CCDC97: variants seen among roughly 807,000 people sequenced by gnomAD.
CCDC97 encodes the protein coiled-coil domain-containing protein 97.
Under a neutral mutation model 33.9 loss-of-function variants are expected in CCDC97, and 27 were observed. That is an observed-to-expected ratio of 0.80 (90% CI 0.59 to 1.10). The LOEUF is 1.10. Among genes scored for constraint, CCDC97 ranks in the 50% least tolerant of loss-of-function variants. The probability of loss-of-function intolerance (pLI) is 0.00; values close to 1 mark genes in which losing one functional copy is unlikely to be tolerated. For missense variants in CCDC97, 422 were observed against 476.6 expected (o/e 0.89, Z 1.07); for synonymous variants, 217 against 194.0 (o/e 1.12, Z -0.99).
chr19:41,320,552 TG>T (rs750771178), intron 4 of CCDC97, 82 bp downstream of exon 4: 2 of 1,564,000 alleles, frequency 1.3e-6, no homozygotes, highest in South Asian at 1.1e-5. Flanking sequence ...TAACAAGCTG[TG>T]GGGGTCTCCC....
intron 2 of CCDC97, among the ~76,000 whole-genome samples, chr19:41,319,054 A>ATG (rs2037783315): frequency 6.6e-6 from 1 of 152,004 alleles, no homozygotes; most frequent in Non-Finnish European, 1.5e-5. Flanking sequence ...CTCACAGGAC[A>ATG]TGTGTGTGTA....
At chr19:41,316,113 G>GCCTCCTCCACCTCTTC (rs1473305786) in intron 1 of CCDC97, among the ~76,000 whole-genome samples, 3 of 152,056 alleles carry the variant, frequency 2.0e-5, no homozygotes, top group Non-Finnish European at 4.4e-5. Flanking sequence ...TAAAATTGCA[G>GCCTCCTCCACCTCTTC]CCTCCTCCAC....
At chr19:41,318,527 T>C (rs1178854874) in intron 2 of CCDC97, among the ~76,000 whole-genome samples, 1 of 152,114 alleles carries the variant, frequency 6.6e-6, no homozygotes, top group Admixed American at 6.5e-5. Flanking sequence ...GTGGGGAAGC[T>C]GAGCAGGACA....
intron 1 of CCDC97, 106 bp downstream of exon 1, chr19:41,310,462 ACCCC>A: frequency 1.3e-6 from 2 of 1,517,262 alleles, no homozygotes; most frequent in Non-Finnish European, 1.8e-6. Flanking sequence ...GGGGACACCC[ACCCC>A]CCTCAGCTTT....
rs1246644714 is a variant in CCDC97, at chr19:41,310,734, C to A, written c.46+378C>A. The stretch of plus-strand genomic sequence containing the variant: ...CTGTACCAAGCTGAGCCTTCCCTTG[C>A]TCTCTAGACGAATCCTCCTACCTTT... On this transcript the variant is annotated intron_variant, in intron 1 of 4. Transcript: ENST00000269967. 6 of 1,075,926 alleles carry A rather than the reference C, an allele frequency of 5.6e-6. No homozygotes were observed. In the African/African-American group the frequency reaches 9.8e-5, roughly 18 times the overall value. 66.6% of individuals were successfully genotyped at this position (1,075,926 alleles called of 1,614,324 possible).
intron 1 of CCDC97, among the ~76,000 whole-genome samples, chr19:41,315,552 G>C (rs896016079): frequency 6.6e-6 from 1 of 151,804 alleles, no homozygotes; most frequent in Admixed American, 6.6e-5. Flanking sequence ...GGCAGTTGCA[G>C]TGGGCAGATC....
At chr19:41,320,267 C>G (rs2037806398) in intron 3 of CCDC97, 74 bp from the exon 4 acceptor site, 1 of 1,577,400 alleles carries the variant, frequency 6.3e-7, no homozygotes, top group South Asian at 1.1e-5. Context: ...GGAGCAGCAG[C>G]TCTCTGTGGA....
Position 41,322,805 on chromosome 19 carries a change from G to T in CCDC97, c.*90G>T. On this transcript the variant is annotated 3_prime_UTR_variant, in exon 5 of 5. Coordinates refer to ENST00000269967, the MANE Select transcript of CCDC97 (RefSeq NM_052848.3). ...TGCTCAGTGACCCTTTCTCTAGGGGGACATCAGGGCAGTGCCCCACAACCC... is the reference window on the plus strand; with the variant it reads ...TGCTCAGTGACCCTTTCTCTAGGGGTACATCAGGGCAGTGCCCCACAACCC... 4 of 1,479,362 alleles carry T rather than the reference G, an allele frequency of 2.7e-6. No homozygotes were observed. The highest frequency in any genetic ancestry group is 3.7e-6 in the Non-Finnish European group (4 of 1,087,024). The allele number at this position is 1,479,362 out of a possible 1,614,324, so 91.6% of individuals were successfully genotyped here.
At chr19:41,314,478 G>T (rs530832497) in intron 1 of CCDC97, among the ~76,000 whole-genome samples, 1 of 152,228 alleles carries the variant, frequency 6.6e-6, no homozygotes, top group African/African-American at 2.4e-5. Context: ...TTGGGTGAAC[G>T]CATGAATGCA....
intron 4 of CCDC97, among the ~76,000 whole-genome samples, chr19:41,321,424 G>A (rs545313519): frequency 2.0e-5 from 3 of 152,328 alleles, no homozygotes; most frequent in South Asian, 2.1e-4. Context: ...GTGTTGCCTC[G>A]GGAGGGCAGC....
Position 41,319,846 on chromosome 19 carries a change from G to A in CCDC97, c.775G>A (p.Glu259Lys), listed in dbSNP as rs142324018. 43 of 1,446,872 alleles carry A rather than the reference G, an allele frequency of 3.0e-5. No homozygotes were observed. The highest frequency in any genetic ancestry group is 1.1e-4 in the African/African-American group (8 of 71,476). The allele number at this position is 1,446,872 out of a possible 1,614,324, so 89.6% of individuals were successfully genotyped here. ...EEEEEEEDSD[E>K]EDQRSGKDSE... The stretch of plus-strand genomic sequence containing the variant: ...AGAGGAAGAGGAGGAGGACAGTGAC[G>A]AGGAAGGTGAGGGCCAGTAGCAGGA... The change falls in exon 3 of 5, where the codon GAG becomes AAG. Residue 259 changes from glutamate (E) to lysine (K), a missense_variant. Glu to Lys is a moderately conservative substitution (Grantham distance 56). Transcript: ENST00000269967.
At chr19:41,310,840 C>G (rs1013815540) in intron 1 of CCDC97, 2 of 989,204 alleles carry the variant, frequency 2.0e-6, no homozygotes, top group African/African-American at 1.7e-5. Flanking sequence ...CCCGTTTCCC[C>G]CAAAGTCCGA....
At chr19:41,315,156 C>T (rs575928264) in intron 1 of CCDC97, among the ~76,000 whole-genome samples, 22 of 151,092 alleles carry the variant, frequency 1.5e-4, no homozygotes, top group Admixed American at 8.6e-4. Context: ...AAAAATTAGC[C>T]GGGCATGGTG....
At chr19:41,315,335 G>GTGGCACACACC (rs2037733108) in intron 1 of CCDC97, among the ~76,000 whole-genome samples, 2 of 148,006 alleles carry the variant, frequency 1.4e-5, no homozygotes, top group South Asian at 4.2e-4. Context: ...GCAGGGTGCA[G>GTGGCACACACC]TGGCACACAC....
At chr19:41,320,292 C>G in intron 3 of CCDC97, 49 bp from the exon 4 acceptor site, 1 of 1,608,792 alleles carries the variant, frequency 6.2e-7, no homozygotes, top group South Asian at 1.1e-5. Flanking sequence ...GTGCTCAGTG[C>G]CTGCCCGAGT....
chr19:41,315,860 A>G (rs557562066), intron 1 of CCDC97, among the ~76,000 whole-genome samples: 21 of 152,158 alleles, frequency 1.4e-4, no homozygotes, highest in Admixed American at 1.3e-3. Flanking sequence ...TTGGGAGGCC[A>G]AGGCAGGAGG....
chr19:41,317,816 G>T (rs377369322), intron 2 of CCDC97, among the ~76,000 whole-genome samples: 1 of 151,814 alleles, frequency 6.6e-6, no homozygotes. Context: ...TTGGGAGGGC[G>T]AGGTGGGGGT....
Position 41,316,534 on chromosome 19 carries a change from T to A in CCDC97, c.197T>A (p.Met66Lys). ...GCTGAAAATGCAGCAGTGAGTGCTA[T>A]GCTGCACGCTGTAGCCGCCAGCCGC... is the stretch of plus-strand genomic sequence containing the variant. Reference protein sequence around the residue: ...SGAENAAVSAMLHAVAASRLP... With the variant: ...SGAENAAVSAKLHAVAASRLP... The change falls in exon 2 of 5, where the codon ATG (methionine) becomes AAG (lysine). Residue 66 changes from methionine to lysine, a missense_variant. Coordinates refer to ENST00000269967, the MANE Select transcript of CCDC97 (RefSeq NM_052848.3). The A allele has an allele frequency of 1.2e-6, 2 of 1,614,258 alleles. No homozygotes were observed. Among genetic ancestry groups the A allele is most frequent in the Non-Finnish European group, 1.7e-6 (2 of 1,180,042 alleles).
intron 4 of CCDC97, among the ~76,000 whole-genome samples, chr19:41,321,868 T>A (rs946129153): frequency 6.6e-6 from 1 of 152,190 alleles, no homozygotes; most frequent in African/African-American, 2.4e-5. Context: ...CTGCTGGGTT[T>A]ACTTGCTGCC....
Sources: gnomAD v4.1 joint callset for allele counts (sites outside exome capture counted in the v4.1 genomes callset) on GRCh38, gnomAD v4.1.1 for gene constraint, MANE v1.5 for transcripts, NCBI Gene and HGNC (gene_info 2026-07-23, HGNC 2026-07-21) for gene names.